GSE1: variants seen among roughly 807,000 people sequenced by gnomAD.
GSE1 encodes the protein Gse1 coiled-coil protein, also known as genetic suppressor element 1.
A neutral mutation model predicts 112.6 loss-of-function variants in GSE1; 32 were observed. The ratio of observed to expected loss-of-function variants is 0.28; its 90% CI spans 0.21 to 0.38. GSE1 has a LOEUF of 0.38. Among genes scored for constraint, GSE1 ranks in the 10% least tolerant of loss-of-function variants. The probability of loss-of-function intolerance (pLI) is 1.00; values close to 1 mark genes in which losing one functional copy is unlikely to be tolerated. For synonymous variants in GSE1, 1,115 were observed against 735.6 expected, an observed-to-expected ratio of 1.52 and a Z score of -8.35; for missense variants, 2,348 against 1,699.2, an observed-to-expected ratio of 1.38 and a Z score of -6.71.
At chr16:85,444,967 G>A (rs2049472506) in intron 2 of GSE1, among the ~76,000 whole-genome samples, 1 of 152,240 alleles carries the variant, frequency 6.6e-6, no homozygotes, top group South Asian at 2.1e-4. Flanking sequence ...AGGCCCAGGT[G>A]TGTCGCCGGC....
chr16:85,246,235 A>ACACACACG (rs1555546403), intron 1 of GSE1, among the ~76,000 whole-genome samples: 7 of 128,952 alleles, frequency 5.4e-5, no homozygotes, highest in African/African-American at 2.0e-4. Context: ...ACACACACAC[A>ACACACACG]CACGCACACC....
chr16:85,176,011 C>T (rs909689457), intron 1 of GSE1, among the ~76,000 whole-genome samples: 4 of 151,288 alleles, frequency 2.6e-5, no homozygotes, highest in African/African-American at 9.8e-5. Context: ...TGTTTTGAGA[C>T]AGGGTCTCAC....
intron 1 of GSE1, among the ~76,000 whole-genome samples, chr16:85,312,013 G>A (rs942150798): frequency 1.3e-5 from 2 of 152,210 alleles, no homozygotes; most frequent in Non-Finnish European, 1.5e-5. Flanking sequence ...GAGCAGCTGG[G>A]CCAGCTCGAC....
At chr16:85,303,328 A>G (rs1431711249) in intron 1 of GSE1, among the ~76,000 whole-genome samples, 2 of 152,230 alleles carry the variant, frequency 1.3e-5, no homozygotes, top group African/African-American at 4.8e-5. Flanking sequence ...ACACCCTGGA[A>G]GTGAGGGTCT....
chr16:85,450,420 C>A (rs1192784216), intron 2 of GSE1, among the ~76,000 whole-genome samples: 1 of 151,474 alleles, frequency 6.6e-6, no homozygotes, highest in East Asian at 1.9e-4. Flanking sequence ...GCCCAGCCAC[C>A]TTACTGTTTT....
chr16:85,262,416 T>A (rs1907793813), intron 1 of GSE1, among the ~76,000 whole-genome samples: 1 of 152,198 alleles, frequency 6.6e-6, no homozygotes, highest in Non-Finnish European at 1.5e-5. Flanking sequence ...ATTAGCTGTG[T>A]GTCTTTGCAC....
intron 1 of GSE1, among the ~76,000 whole-genome samples, chr16:85,561,351 C>T (rs2045513002): frequency 6.6e-6 from 1 of 152,172 alleles, no homozygotes; most frequent in African/African-American, 2.4e-5. Flanking sequence ...TCCAGAGTCC[C>T]TGCTTCATAA....
chr16:85,667,752 C>A (rs573020291), intron 13 of GSE1, among the ~76,000 whole-genome samples: 1 of 152,082 alleles, frequency 6.6e-6, no homozygotes, highest in Non-Finnish European at 1.5e-5. Flanking sequence ...CCAGCCACTC[C>A]GGAGGCTGAG....
chr16:85,582,666 T>G (rs763186941), intron 1 of GSE1, among the ~76,000 whole-genome samples: 56 of 152,082 alleles, frequency 3.7e-4, no homozygotes, highest in Non-Finnish European at 7.2e-4. Context: ...AGCTCAGTCC[T>G]CCCCGTGTTG....
At chr16:85,636,552 C>A (rs769071978) in intron 2 of GSE1, among the ~76,000 whole-genome samples, 1 of 152,210 alleles carries the variant, frequency 6.6e-6, no homozygotes, top group Non-Finnish European at 1.5e-5. Flanking sequence ...CACGTTTCCC[C>A]GTCCATGGAA....
chr16:85,567,318 G>A (rs927533520), intron 1 of GSE1, among the ~76,000 whole-genome samples: 13 of 152,190 alleles, frequency 8.5e-5, no homozygotes, highest in African/African-American at 1.7e-4. Flanking sequence ...GCTGCTGTGC[G>A]TTGGAAATTC....
At chr16:85,642,559 A>T (rs942472500) in intron 2 of GSE1, among the ~76,000 whole-genome samples, 1 of 152,210 alleles carries the variant, frequency 6.6e-6, no homozygotes, top group Admixed American at 6.5e-5. Flanking sequence ...CTCCATCGGC[A>T]GCATGGGCTA....
intron 1 of GSE1, chr16:85,592,235 T>C (rs1598306529): frequency 6.6e-6 from 1 of 152,044 alleles, no homozygotes; most frequent in Non-Finnish European, 1.5e-5. Context: ...TGATCTTGGC[T>C]CACCGCAACT....
chr16:85,169,959 C>T, exon 1 of GSE1: 5 of 984,578 alleles, frequency 5.1e-6, no homozygotes, highest in Non-Finnish European at 6.0e-6. Context: ...ACGCGCTGGG[C>T]AGCGCCACCG....
intron 2 of GSE1, among the ~76,000 whole-genome samples, chr16:85,517,873 G>A (rs368800337): frequency 3.3e-5 from 5 of 152,240 alleles, no homozygotes; most frequent in Admixed American, 1.3e-4. Context: ...CCGCGTGGTC[G>A]CGAAAGGCCT....
intron 2 of GSE1, among the ~76,000 whole-genome samples, chr16:85,374,051 TGTG>T (rs2151604434): frequency 6.6e-6 from 1 of 152,298 alleles, no homozygotes; most frequent in African/African-American, 2.4e-5. Flanking sequence ...TGTGTGCACA[TGTG>T]GTTCTCAGTG....
chr16:85,268,738 C>T (rs1043194998), intron 1 of GSE1, among the ~76,000 whole-genome samples: 2 of 152,222 alleles, frequency 1.3e-5, no homozygotes, highest in African/African-American at 2.4e-5. Context: ...GCTGTCCAGA[C>T]ACCCTCTGCC....
chr16:85,188,930 A>G (rs1313922751), intron 1 of GSE1, among the ~76,000 whole-genome samples: 1 of 152,168 alleles, frequency 6.6e-6, no homozygotes, highest in African/African-American at 2.4e-5. Context: ...TCTGGTGCAT[A>G]TGTGCATTTT....
chr16:85,335,045 C>T lies in GSE1; in HGVS notation c.2284-22418C>T, dbSNP rs148786319. On this transcript the variant is annotated intron_variant, in intron 1 of 2. Coordinates refer to the GSE1 transcript ENST00000637419. The stretch of plus-strand genomic sequence containing the variant: ...TCAGCTCGGATGCTATCTGTACAAG[C>T]GACAGTCACCTGACCCTTGTTTGAG... 4.6e-5 allele frequency among the ~76,000 whole-genome samples: 7 copies of T among 152,344 alleles called. No individual in the cohort carries two copies. The East Asian group carries it at 7.7e-4, about 17-fold the overall frequency.
Sources: gnomAD v4.1 joint callset for allele counts (sites outside exome capture counted in the v4.1 genomes callset) on GRCh38, gnomAD v4.1.1 for gene constraint, MANE v1.5 for transcripts, NCBI Gene and HGNC (gene_info 2026-07-23, HGNC 2026-07-21) for gene names.